FZR1: variants seen among roughly 807,000 people sequenced by gnomAD.
The protein encoded by FZR1 is fizzy-related protein homolog.
In FZR1, 11 loss-of-function variants were observed where a neutral mutation model predicts 63.6. The observed-to-expected ratio is 0.17, with a 90% CI of 0.11 to 0.29. The LOEUF (loss-of-function observed/expected upper bound fraction) is 0.29, where lower values mean the gene tolerates loss of function less well. Ranked by LOEUF, FZR1 falls within the 10% of genes least tolerant of loss-of-function variation. The pLI is 1.00. For missense variants in FZR1, 440 were observed against 687.5 expected (o/e 0.64, Z 4.03); for synonymous variants, 328 against 297.9 (o/e 1.10, Z -1.04).
chr19:3,509,893 G>C (rs1243743174), intron 1 of FZR1, among the ~76,000 whole-genome samples: 1 of 152,152 alleles, frequency 6.6e-6, no homozygotes, highest in Non-Finnish European at 1.5e-5. Context: ...CCTGTTGTGA[G>C]TTGAGCTGCT....
At position 3,529,190 on chromosome 19, in the gene FZR1, A is replaced by T. The variant is rs144214575; in HGVS notation, c.654+1376A>T. On this transcript the variant is annotated intron_variant, in intron 7 of 13. Coordinates refer to ENST00000441788, the MANE Select transcript of FZR1 (RefSeq NM_016263.4). ...GTTGGGAGAGCGGTTGGGAGAGCGGATGGGAGAGCGGATGAGAGAGTGGAT... is the reference window on the plus strand; with the variant it reads ...GTTGGGAGAGCGGTTGGGAGAGCGGTTGGGAGAGCGGATGAGAGAGTGGAT... Among the ~76,000 whole-genome samples, 537 of 123,480 alleles carry T rather than the reference A, an allele frequency of 4.3e-3. 8 individuals carry two copies. The highest frequency in any genetic ancestry group is 0.017 in the Middle Eastern group (3 of 176). The allele number at this position is 123,480 out of a possible 152,430, so 81.0% of individuals were successfully genotyped here.
At position 3,528,059 on chromosome 19, in the gene FZR1, C is replaced by G. The variant is rs542139946; in HGVS notation, c.654+245C>G. ...CCTCCCAACCCTCCCAGCCATGGCC[C>G]TCCCAGCCACTGCCCTCCCAGCCAG... On this transcript the variant is annotated intron_variant, in intron 7 of 13. Transcript: ENST00000441788. Among the ~76,000 whole-genome samples, 6 of 152,092 alleles carry G rather than the reference C, an allele frequency of 3.9e-5. 1 individual carries two copies. Among genetic ancestry groups the G allele is most frequent in the Admixed American group, 3.9e-4 (6 of 15,302 alleles).
intron 1 of FZR1, among the ~76,000 whole-genome samples, chr19:3,507,734 G>C (rs989051473): frequency 3.3e-5 from 5 of 152,260 alleles, no homozygotes; most frequent in African/African-American, 4.8e-5. Flanking sequence ...GGTGGGGATA[G>C]AAGCTGACGG....
Position 3,533,170 on chromosome 19 carries a change from TC to T in FZR1, c.1243-122del, listed in dbSNP as rs2083265048. On this transcript the variant is annotated intron_variant, in intron 11 of 13. Coordinates refer to ENST00000441788, the MANE Select transcript of FZR1 (RefSeq NM_016263.4). This position sits in a 1 kb window ranked among gnomAD's most constrained non-coding sequence, Gnocchi z 4.9. ...AGAGCCACATCCCAGCATCCCCTGC[TC>T]CTCCTGGGCTGGCTGGCGGCTCTGA... 1 of 688,684 alleles carries T rather than the reference TC, an allele frequency of 1.5e-6. No individual in the cohort carries two copies. Among genetic ancestry groups the T allele is most frequent in the South Asian group, 1.6e-5 (1 of 61,922 alleles). 42.7% of individuals were successfully genotyped at this position (688,684 alleles called of 1,614,324 possible).
chr19:3,537,604 G>C lies in FZR1; in HGVS notation c.*2768G>C, dbSNP rs1433157739. On this transcript the variant is annotated 3_prime_UTR_variant, in exon 14 of 14. Coordinates refer to ENST00000441788, the MANE Select transcript of FZR1 (RefSeq NM_016263.4). Reference sequence around the variant, plus strand: ...AGAACAGGAGGAATGGCTGGGAAGTGGCTGAGGGAGCCAGGAGGCCGGGGG... The same window carrying C: ...AGAACAGGAGGAATGGCTGGGAAGTCGCTGAGGGAGCCAGGAGGCCGGGGG... 1.3e-5 allele frequency: 2 copies of C among 152,968 alleles called. No homozygotes were observed. Among genetic ancestry groups the C allele is most frequent in the Non-Finnish European group, 2.9e-5 (2 of 68,626 alleles). The allele number at this position is 152,968 out of a possible 1,614,324, so 9.5% of individuals were successfully genotyped here. A position where few individuals can be genotyped will look rare whatever the true frequency, so the allele number is the denominator to read the frequency against.
intron 7 of FZR1, among the ~76,000 whole-genome samples, chr19:3,530,435 G>GATGGGAGAGCGCATGGGAGAGCGC: frequency 1.4e-5 from 1 of 74,002 alleles, no homozygotes; most frequent in Admixed American, 1.9e-4. Context: ...TGGGAGAGCG[G>GATGGGAGAGCGCATGGGAGAGCGC]ATGGGAGAGC....
intron 7 of FZR1, among the ~76,000 whole-genome samples, chr19:3,528,143 A>G (rs2083181066): frequency 6.6e-6 from 1 of 152,184 alleles, no homozygotes; most frequent in Admixed American, 6.5e-5. Flanking sequence ...GTTCAGCTCT[A>G]TAGAGAAGAA....
chr19:3,511,720 G>T (rs2083025838), intron 1 of FZR1, among the ~76,000 whole-genome samples: 1 of 152,126 alleles, frequency 6.6e-6, no homozygotes, highest in Non-Finnish European at 1.5e-5. Context: ...ACGTGCACGG[G>T]GTGTATTCCC....
intron 1 of FZR1, among the ~76,000 whole-genome samples, chr19:3,521,888 G>C (rs900994022): frequency 7.3e-6 from 1 of 136,200 alleles, no homozygotes; most frequent in Non-Finnish European, 1.5e-5. Flanking sequence ...ACAGAGTCTT[G>C]CTCTGTCACC....
intron 1 of FZR1, among the ~76,000 whole-genome samples, chr19:3,519,611 A>G (rs936939091): frequency 6.6e-6 from 1 of 152,272 alleles, no homozygotes; most frequent in East Asian, 1.9e-4. Context: ...TGTCTGGGCA[A>G]TGCTGCCTGT....
At position 3,518,626 on chromosome 19, in the gene FZR1, C is replaced by G. The variant is rs777122737; in HGVS notation, c.-34-4330C>G. Among the ~76,000 whole-genome samples, 36 of 152,328 alleles carry G rather than the reference C, an allele frequency of 2.4e-4. 1 individual carries two copies. Among genetic ancestry groups the G allele is most frequent in the Non-Finnish European group, 4.3e-4 (29 of 68,028 alleles). On this transcript the variant is annotated intron_variant, in intron 1 of 13. Coordinates refer to ENST00000441788, the MANE Select transcript of FZR1 (RefSeq NM_016263.4). Reference sequence around the variant, plus strand: ...CAGGTCTTGGGGAGACTGTCCTGTGCTGGGATTTGAAGTCTGCTGGTGCCG... The same window carrying G: ...CAGGTCTTGGGGAGACTGTCCTGTGGTGGGATTTGAAGTCTGCTGGTGCCG...
chr19:3,515,241 G>A lies in FZR1; in HGVS notation c.-34-7715G>A, dbSNP rs1321143974. On this transcript the variant is annotated intron_variant, in intron 1 of 13. Coordinates refer to ENST00000441788, the MANE Select transcript of FZR1 (RefSeq NM_016263.4). This position sits in a 1 kb window ranked among gnomAD's most constrained non-coding sequence, Gnocchi z 4.6. Reference sequence around the variant, plus strand: ...GTCCGGGTTGCTGCTAAACTCCCTCGACCCGGTCTGAGCCTTTCCACACGG... The same window carrying A: ...GTCCGGGTTGCTGCTAAACTCCCTCAACCCGGTCTGAGCCTTTCCACACGG... 2.0e-5 allele frequency among the ~76,000 whole-genome samples: 3 copies of A among 152,212 alleles called. No individual in the cohort carries two copies. Among genetic ancestry groups the A allele is most frequent in the East Asian group, 1.9e-4 (1 of 5,204 alleles).
intron 1 of FZR1, among the ~76,000 whole-genome samples, chr19:3,508,608 C>T (rs1263883180): frequency 1.3e-5 from 2 of 152,120 alleles, no homozygotes; most frequent in Non-Finnish European, 2.9e-5. Flanking sequence ...TTCTGAGGAC[C>T]TTTTGCTTGG....
At chr19:3,520,478 C>T (rs759723415) in intron 1 of FZR1, among the ~76,000 whole-genome samples, 2 of 152,220 alleles carry the variant, frequency 1.3e-5, no homozygotes, top group Non-Finnish European at 2.9e-5. Flanking sequence ...ACTCTGCCTT[C>T]GTGTCCTCAT....
intron 10 of FZR1, 65 bp downstream of exon 10, chr19:3,532,160 C>T: frequency 7.1e-7 from 1 of 1,403,390 alleles, no homozygotes; most frequent in Non-Finnish European, 9.4e-7. Context: ...CTGGCAGGAA[C>T]GGAAGAGCCT....
At chr19:3,521,355 CA>C (rs1329541859) in intron 1 of FZR1, 2 of 152,100 alleles carry the variant, frequency 1.3e-5, no homozygotes, top group Non-Finnish European at 2.9e-5. Flanking sequence ...ACTTACCTGC[CA>C]AAGAAGTCAC....
intron 8 of FZR1, among the ~76,000 whole-genome samples, 161 bp downstream of exon 8, chr19:3,531,018 G>A (rs1437716226): frequency 4.6e-5 from 7 of 152,046 alleles, no homozygotes; most frequent in African/African-American, 1.2e-4. Context: ...TGTGGTCCTG[G>A]TAGAGGGAGT....
chr19:3,529,769 A>AGCGGAT (rs1488658510), intron 7 of FZR1, among the ~76,000 whole-genome samples: 1 of 121,940 alleles, frequency 8.2e-6, no homozygotes, highest in Non-Finnish European at 1.7e-5. Flanking sequence ...CGCATGGGTG[A>AGCGGAT]GCGGATGCGA....
rs2083155432 is a variant in FZR1, at chr19:3,526,191, T to C, written c.259+8T>C. ...CCTCAGACAACGGCAAAGGTTAGGG[T>C]CCCAGCCCATCCGCCCTGCAGGCCC... On this transcript the variant is annotated splice_region_variant and intron_variant, in intron 4 of 13. Coordinates refer to ENST00000441788, the MANE Select transcript of FZR1 (RefSeq NM_016263.4). This position sits in a 1 kb window ranked among gnomAD's most constrained non-coding sequence, Gnocchi z 5.4. 3 of 1,611,930 alleles carry C rather than the reference T, an allele frequency of 1.9e-6. No individual in the cohort carries two copies. The African/African-American group carries it at 4.0e-5, about 22-fold the overall frequency.
Sources: allele counts gnomAD v4.1 joint callset (sites outside exome capture counted in the v4.1 genomes callset), GRCh38; gene constraint gnomAD v4.1.1; non-coding constraint Gnocchi (gnomAD v3.1); transcripts MANE v1.5; gene names NCBI Gene and HGNC (gene_info 2026-07-23, HGNC 2026-07-21).